MTUS2: variants seen among roughly 807,000 people sequenced by gnomAD.
MTUS2 encodes microtubule-associated tumor suppressor candidate 2.
A neutral mutation model predicts 114.1 loss-of-function variants in MTUS2; 40 were observed. That is an observed-to-expected ratio of 0.35 (90% CI 0.27 to 0.46). The LOEUF (loss-of-function observed/expected upper bound fraction) is 0.46, where lower values mean the gene tolerates loss of function less well. MTUS2 is among the 20% of genes least tolerant of loss of function. The pLI, the probability that MTUS2 is intolerant of heterozygous loss-of-function variation, is 1.00. For synonymous variants in MTUS2, 688 were observed against 672.0 expected, an observed-to-expected ratio of 1.02 and a Z score of -0.37; for missense variants, 1,679 against 1,705.4, an observed-to-expected ratio of 0.98 and a Z score of 0.27.
At chr13:29,061,199 C>T (rs1053318628) in intron 4 of MTUS2, among the ~76,000 whole-genome samples, 1 of 152,168 alleles carries the variant, frequency 6.6e-6, no homozygotes, top group Admixed American at 6.5e-5. Context: ...TGAACTCATT[C>T]TGGCAGGTAG....
intron 8 of MTUS2, among the ~76,000 whole-genome samples, chr13:29,385,606 A>G (rs1414431996): frequency 6.7e-6 from 1 of 149,954 alleles, no homozygotes; most frequent in Non-Finnish European, 1.5e-5. Context: ...CTCTAATGCA[A>G]GTTTGCCTGT....
chr13:29,214,935 G>A (rs563995864), intron 5 of MTUS2, among the ~76,000 whole-genome samples: 3 of 152,058 alleles, frequency 2.0e-5, no homozygotes, highest in East Asian at 3.9e-4. Flanking sequence ...AGTTCTCCTG[G>A]ATAATATCCT....
intron 4 of MTUS2, among the ~76,000 whole-genome samples, chr13:29,062,415 A>G (rs1011122689): frequency 1.3e-5 from 2 of 152,172 alleles, no homozygotes; most frequent in Admixed American, 6.5e-5. Flanking sequence ...AACTTTGGCT[A>G]TTCTCATACC....
intron 5 of MTUS2, among the ~76,000 whole-genome samples, chr13:29,264,260 G>A (rs1261359375): frequency 6.6e-6 from 1 of 152,264 alleles, no homozygotes; most frequent in Non-Finnish European, 1.5e-5. Flanking sequence ...AGTGCATGGG[G>A]TGAGCTCCCA....
chr13:29,024,165 C>T (rs1425846951), intron 2 of MTUS2, among the ~76,000 whole-genome samples: 1 of 152,060 alleles, frequency 6.6e-6, no homozygotes, highest in East Asian at 1.9e-4. Context: ...AAAGAAGAGC[C>T]CTTACTTCTC....
intron 5 of MTUS2, among the ~76,000 whole-genome samples, chr13:29,122,133 G>A (rs1891336299): frequency 6.6e-6 from 1 of 152,130 alleles, no homozygotes; most frequent in Non-Finnish European, 1.5e-5. Context: ...AACAGCCCCT[G>A]GATTGAGTCC....
In MTUS2 at chr13:29,122,325, G is replaced by A. The variant is rs187018192; in HGVS notation, c.2644+21355G>A. Among the ~76,000 whole-genome samples the A allele has an allele frequency of 2.0e-5, 3 of 152,278 alleles. No individual in the cohort carries two copies. In the East Asian group the frequency reaches 5.8e-4, roughly 29 times the overall value. On this transcript the variant is annotated intron_variant, in intron 5 of 15. Coordinates refer to ENST00000612955, the MANE Select transcript of MTUS2 (RefSeq NM_001033602.4). Reference sequence around the variant, plus strand: ...GACTGGGTCATTTATAAAGGAAAGAGGTTTAATTGACTCACAGTTCCACGT... The same window carrying A: ...GACTGGGTCATTTATAAAGGAAAGAAGTTTAATTGACTCACAGTTCCACGT...
At chr13:28,954,295 T>G (rs554915953) in intron 2 of MTUS2, among the ~76,000 whole-genome samples, 3 of 152,284 alleles carry the variant, frequency 2.0e-5, no homozygotes, top group Non-Finnish European at 4.4e-5. Context: ...GACAGTCAAG[T>G]CATTTGCTGA....
In MTUS2 at chr13:28,903,519, T is replaced by C. The variant is rs559257409; in HGVS notation, c.-243+63669T>C. ...ATGAGTGAGAACATGCTGTGTTTGG[T>C]TTTTTGTGCTTGGGATAGTTTGCTG... On this transcript the variant is annotated intron_variant, in intron 2 of 15. Coordinates refer to ENST00000612955, the MANE Select transcript of MTUS2 (RefSeq NM_001033602.4). Among the ~76,000 whole-genome samples, 30 of 150,360 alleles carry C rather than the reference T, an allele frequency of 2.0e-4. 1 individual carries two copies. In the South Asian group the frequency reaches 5.7e-3, roughly 29 times the overall value.
chr13:29,073,427 G>A (rs1395524186), intron 4 of MTUS2, among the ~76,000 whole-genome samples: 1 of 152,230 alleles, frequency 6.6e-6, no homozygotes, highest in East Asian at 1.9e-4. Flanking sequence ...TTCTGGCCTG[G>A]ATATTAAATA....
chr13:29,159,890 G>T (rs537771589), intron 5 of MTUS2, among the ~76,000 whole-genome samples: 1 of 152,192 alleles, frequency 6.6e-6, no homozygotes, highest in Non-Finnish European at 1.5e-5. Context: ...CTGTGTTGCC[G>T]GTGAGAATGT....
intron 5 of MTUS2, among the ~76,000 whole-genome samples, chr13:29,240,717 G>C (rs1334433514): frequency 6.6e-6 from 1 of 152,134 alleles, no homozygotes; most frequent in Non-Finnish European, 1.5e-5. Flanking sequence ...CTAAACAGTG[G>C]AACCCTGATT....
chr13:29,268,222 G>A (rs1228027479), intron 5 of MTUS2, among the ~76,000 whole-genome samples: 1 of 152,170 alleles, frequency 6.6e-6, no homozygotes, highest in East Asian at 1.9e-4. Context: ...CAAGAATGAG[G>A]AAGGGACAAT....
chr13:28,959,971 A>G (rs1238067479), intron 2 of MTUS2, among the ~76,000 whole-genome samples: 1 of 152,256 alleles, frequency 6.6e-6, no homozygotes, highest in Non-Finnish European at 1.5e-5. Flanking sequence ...CAAAATGTCC[A>G]GTTTTCAATA....
At chr13:28,878,409 G>T (rs1433122634) in intron 2 of MTUS2, among the ~76,000 whole-genome samples, 4 of 152,124 alleles carry the variant, frequency 2.6e-5, no homozygotes, top group Admixed American at 2.6e-4. Flanking sequence ...TGCCGTGGTG[G>T]TTTGCTGCAC....
intron 5 of MTUS2, among the ~76,000 whole-genome samples, chr13:29,208,049 C>T (rs1464779921): frequency 6.6e-6 from 1 of 152,104 alleles, no homozygotes; most frequent in Non-Finnish European, 1.5e-5. Flanking sequence ...GTGAACTCAT[C>T]TGGTCCTGAA....
At chr13:29,169,356 A>C (rs1021768124) in intron 5 of MTUS2, among the ~76,000 whole-genome samples, 1 of 152,184 alleles carries the variant, frequency 6.6e-6, no homozygotes, top group Non-Finnish European at 1.5e-5. Flanking sequence ...TTAGAATTTA[A>C]GAGTAAAATA....
At chr13:29,244,211 C>A (rs958407072) in intron 5 of MTUS2, among the ~76,000 whole-genome samples, 19 of 152,160 alleles carry the variant, frequency 1.2e-4, no homozygotes, top group African/African-American at 4.3e-4. Context: ...TGCAGATGGC[C>A]CACCTGTAGT....
intron 5 of MTUS2, among the ~76,000 whole-genome samples, chr13:29,112,207 G>A (rs1180952866): frequency 1.3e-5 from 2 of 152,194 alleles, no homozygotes; most frequent in Non-Finnish European, 2.9e-5. Flanking sequence ...TGGGAAGAGG[G>A]AAGCTGACAC....
Sources: gnomAD v4.1 joint callset for allele counts (sites outside exome capture counted in the v4.1 genomes callset) on GRCh38, gnomAD v4.1.1 for gene constraint, MANE v1.5 for transcripts, NCBI Gene and HGNC (gene_info 2026-07-23, HGNC 2026-07-21) for gene names.